ELANE: variants seen among roughly 807,000 people sequenced by gnomAD.
ELANE encodes the protein elastase, neutrophil expressed, also known as neutrophil elastase.
Under a neutral mutation model 20.6 loss-of-function variants are expected in ELANE, and 12 were observed. That is an observed-to-expected ratio of 0.58 (90% CI 0.37 to 0.94). The LOEUF (loss-of-function observed/expected upper bound fraction) is 0.94, where lower values mean the gene tolerates loss of function less well. Ranked by LOEUF, ELANE falls within the 40% of genes least tolerant of loss-of-function variation. The probability of loss-of-function intolerance (pLI) is 0.01; values close to 1 mark genes in which losing one functional copy is unlikely to be tolerated. For missense variants in ELANE, 388 were observed against 395.2 expected (o/e 0.98, Z 0.15); for synonymous variants, 203 against 177.4 (o/e 1.14, Z -1.15).
chr19:852,900 T>TG lies in ELANE; in HGVS notation c.98dup (p.Arg34ProfsTer55). On this transcript the variant is annotated frameshift_variant, in exon 2 of 5. Transcript: ENST00000263621. LOFTEE classifies it high-confidence loss of function. The stretch of plus-strand genomic sequence containing the variant: ...GGCACCGCGCTGGCCTCGGAGATTG[T>TG]GGGGGGCCGGCGAGCGCGGCCCCAC... The TG allele has an allele frequency of 6.3e-7, 1 of 1,596,592 alleles. No individual in the cohort carries two copies. Among genetic ancestry groups the TG allele is most frequent in the Non-Finnish European group, 8.5e-7 (1 of 1,177,342 alleles).
intron 1 of ELANE, among the ~76,000 whole-genome samples, chr19:852,623 G>A (rs1428288954): frequency 6.6e-6 from 1 of 151,810 alleles, no homozygotes; most frequent in South Asian, 2.1e-4. Context: ...TCGCCCTCTG[G>A]GTTCAAGTCC....
At position 855,144 on chromosome 19, in the gene ELANE, C is replaced by T. The variant is rs1335734285; in HGVS notation, c.367-420C>T. On this transcript the variant is annotated intron_variant, in intron 3 of 4. Transcript: ENST00000263621. The surrounding 1 kb of genome is among the most constrained non-coding windows in gnomAD (Gnocchi z 6.2). ...CTGGGATTATAGGCGTGAGCCACCGCACCTGGCAATTTTTTTTTATTATTT... is the reference window on the plus strand; with the variant it reads ...CTGGGATTATAGGCGTGAGCCACCGTACCTGGCAATTTTTTTTTATTATTT... 1.3e-5 allele frequency among the ~76,000 whole-genome samples: 2 copies of T among 152,078 alleles called. No homozygotes were observed. The highest frequency in any genetic ancestry group is 2.9e-5 in the Non-Finnish European group (2 of 68,022).
rs535975489 is a variant in ELANE, at chr19:852,758, C to T, written c.68-118C>T. Reference sequence around the variant, plus strand: ...TCCCGTGGGTTCCCGGTGGGGGATCCCGTGGGTTCCCGGTGGGGGATCCCG... The same window carrying T: ...TCCCGTGGGTTCCCGGTGGGGGATCTCGTGGGTTCCCGGTGGGGGATCCCG... On this transcript the variant is annotated intron_variant, in intron 1 of 4. Coordinates refer to ENST00000263621, the MANE Select transcript of ELANE (RefSeq NM_001972.4). 7.7e-6 allele frequency: 11 copies of T among 1,420,860 alleles called. No homozygotes were observed. In the African/African-American group the frequency reaches 1.3e-4, roughly 17 times the overall value. 88.0% of individuals were successfully genotyped at this position (1,420,860 alleles called of 1,614,324 possible).
At chr19:852,842 A>G (rs2035614825) in intron 1 of ELANE, 34 bp from the exon 2 acceptor site, 2 of 1,587,734 alleles carry the variant, frequency 1.3e-6, no homozygotes, top group Non-Finnish European at 1.7e-6. Flanking sequence ...GCTCCTTGGC[A>G]GGCACTCAGC....
At chr19:854,761 C>A (rs1461810762) in intron 3 of ELANE, among the ~76,000 whole-genome samples, 2 of 141,702 alleles carry the variant, frequency 1.4e-5, no homozygotes, top group African/African-American at 2.6e-5. Context: ...TTATAAATAT[C>A]ATTTATAATT....
Position 855,647 on chromosome 19 carries a change from G to A in ELANE, c.450G>A (p.Gln150=), listed in dbSNP as rs761830204. ...AQGRRLGNGV[Q]CLAMGWGLLG... ...GACGCCGCCTGGGCAACGGGGTGCAGTGCCTGGCCATGGGCTGGGGCCTTC... is the reference window on the plus strand; with the variant it reads ...GACGCCGCCTGGGCAACGGGGTGCAATGCCTGGCCATGGGCTGGGGCCTTC... Residue 150 remains glutamine (Q), a synonymous_variant, in exon 4 of 5, where the codon CAG becomes CAA. Transcript: ENST00000263621. The surrounding 1 kb of genome is among the most constrained non-coding windows in gnomAD (Gnocchi z 6.2). 29 of 1,606,728 alleles carry A rather than the reference G, an allele frequency of 1.8e-5. No homozygotes were observed. In the Admixed American group the frequency reaches 4.3e-4, roughly 24 times the overall value.
rs1555710104 is a variant in ELANE, at chr19:856,025, G to T, written c.665G>T (p.Gly222Val). ...IHGIASFVRG[G>V]CASGLYPDAF... ...GGAATTGCCTCCTTCGTCCGGGGAG[G>T]CTGCGCCTCAGGGCTCTACCCCGAT... Residue 222 changes from glycine (G) to valine (V), a missense_variant, in exon 5 of 5, where the codon GGC becomes GTC. By Grantham distance (109) the Gly-to-Val change is moderately radical. Coordinates refer to ENST00000263621, the MANE Select transcript of ELANE (RefSeq NM_001972.4). 4 of 1,613,420 alleles carry T rather than the reference G, an allele frequency of 2.5e-6. No homozygotes were observed.
In ELANE at chr19:855,923, G is replaced by A. The variant is rs202056242; in HGVS notation, c.598-35G>A. 196 of 1,611,606 alleles carry A rather than the reference G, an allele frequency of 1.2e-4. 2 individuals are homozygous for A. In the South Asian group the frequency reaches 1.8e-3, roughly 15 times the overall value. On this transcript the variant is annotated intron_variant, in intron 4 of 4. Coordinates refer to ENST00000263621, the MANE Select transcript of ELANE (RefSeq NM_001972.4). This position sits in a 1 kb window ranked among gnomAD's most constrained non-coding sequence, Gnocchi z 6.2. Reference sequence around the variant, plus strand: ...GCGGCGGGCAGGTGGGCAGGGCCTCGCAGTCCAGCTTCCCCACCTTGTCTG... The same window carrying A: ...GCGGCGGGCAGGTGGGCAGGGCCTCACAGTCCAGCTTCCCCACCTTGTCTG...
Position 852,359 on chromosome 19 carries a change from T to C in ELANE, c.31T>C (p.Phe11Leu). 1 of 1,611,446 alleles carries C rather than the reference T, an allele frequency of 6.2e-7. No individual in the cohort carries two copies. MTLGRRLACL[F>L]LACVLPALLL... The stretch of plus-strand genomic sequence containing the variant: ...CCTCGGCCGCCGACTCGCGTGTCTT[T>C]TCCTCGCCTGTGTCCTGCCGGCCTT... Residue 11 changes from phenylalanine to leucine, a missense_variant, in exon 1 of 5, where the codon TTC becomes CTC. Physicochemically the swap from Phe to Leu is conservative, Grantham distance 22. This residue lies in a region of ELANE where 58 missense variants were observed against 56.7 expected (regional missense o/e 1.02). Transcript: ENST00000263621.
chr19:855,535 G>T lies in ELANE; in HGVS notation c.367-29G>T. 1 of 1,595,056 alleles carries T rather than the reference G, an allele frequency of 6.3e-7. No homozygotes were observed. Among genetic ancestry groups the T allele is most frequent in the Non-Finnish European group, 8.5e-7 (1 of 1,177,666 alleles). On this transcript the variant is annotated intron_variant, in intron 3 of 4. Coordinates refer to ENST00000263621, the MANE Select transcript of ELANE (RefSeq NM_001972.4). The surrounding 1 kb of genome is among the most constrained non-coding windows in gnomAD (Gnocchi z 6.2). ...GGTCATCATCACTGCCCCGTGTGAC[G>T]CGCTGACGATCTGTCCCCACCGCCA...
At chr19:853,158 G>T in intron 2 of ELANE, 104 bp from the exon 3 acceptor site, 2 of 1,471,528 alleles carry the variant, frequency 1.4e-6, no homozygotes, top group South Asian at 1.3e-5. Context: ...GGGGCCCCTC[G>T]AGCACCTTCG....
intron 2 of ELANE, 83 bp from the exon 3 acceptor site, chr19:853,179 C>G (rs1033255773): frequency 1.5e-5 from 23 of 1,498,368 alleles, no homozygotes; most frequent in African/African-American, 2.9e-5. Context: ...CCCTCAGGCC[C>G]GTCGCCGGAT....
At chr19:852,826 G>A in intron 1 of ELANE, 50 bp from the exon 2 acceptor site, 2 of 1,577,540 alleles carry the variant, frequency 1.3e-6, no homozygotes, top group Non-Finnish European at 1.7e-6. Flanking sequence ...GGCCGGGAGG[G>A]GACAGGCTCC....
At position 855,036 on chromosome 19, in the gene ELANE, G is replaced by A. The variant is rs940339835; in HGVS notation, c.367-528G>A. Among the ~76,000 whole-genome samples, 27 of 151,994 alleles carry A rather than the reference G, an allele frequency of 1.8e-4. No homozygotes were observed. Among genetic ancestry groups the A allele is most frequent in the African/African-American group, 5.1e-4 (21 of 41,460 alleles). On this transcript the variant is annotated intron_variant, in intron 3 of 4. Transcript: ENST00000263621. This position sits in a 1 kb window ranked among gnomAD's most constrained non-coding sequence, Gnocchi z 6.2. Reference sequence around the variant, plus strand: ...GCCTGGCTAATTTTTGGTATTGTTAGTAGAGACGGGGTTTAACCATGTTAG... The same window carrying A: ...GCCTGGCTAATTTTTGGTATTGTTAATAGAGACGGGGTTTAACCATGTTAG...
chr19:855,814 C>A lies in ELANE; in HGVS notation c.597+20C>A. 1 of 1,607,548 alleles carries A rather than the reference C, an allele frequency of 6.2e-7. No individual in the cohort carries two copies. The highest frequency in any genetic ancestry group is 2.2e-5 in the East Asian group (1 of 44,874). On this transcript the variant is annotated intron_variant, in intron 4 of 4. Coordinates refer to ENST00000263621, the MANE Select transcript of ELANE (RefSeq NM_001972.4). The surrounding 1 kb of genome is among the most constrained non-coding windows in gnomAD (Gnocchi z 6.2). Reference sequence around the variant, plus strand: ...TGTTTCGTACGTGCCCTGGGTGTCCCTCTGCTCCCCACCCGCTCCCAGCCC... The same window carrying A: ...TGTTTCGTACGTGCCCTGGGTGTCCATCTGCTCCCCACCCGCTCCCAGCCC...
chr19:852,749 T>G, intron 1 of ELANE, 127 bp from the exon 2 acceptor site: 1 of 1,306,008 alleles, frequency 7.7e-7, no homozygotes, highest in Non-Finnish European at 1.0e-6. Flanking sequence ...GGGTTCCCGG[T>G]GGGGGATCCC....
In ELANE at chr19:855,890, C is replaced by T; in HGVS notation, c.598-68C>T. On this transcript the variant is annotated intron_variant, in intron 4 of 4. Transcript: ENST00000263621. This position sits in a 1 kb window ranked among gnomAD's most constrained non-coding sequence, Gnocchi z 6.2. Reference sequence around the variant, plus strand: ...TAGACCCTAGGAGGGACTTCCCAACCCTGACAGGCGGCGGGCAGGTGGGCA... The same window carrying T: ...TAGACCCTAGGAGGGACTTCCCAACTCTGACAGGCGGCGGGCAGGTGGGCA... 1 of 1,607,902 alleles carries T rather than the reference C, an allele frequency of 6.2e-7. No homozygotes were observed. The highest frequency in any genetic ancestry group is 1.7e-5 in the Admixed American group (1 of 59,824).
chr19:855,794 C>T lies in ELANE; in HGVS notation c.597C>T (p.Phe199=), dbSNP rs531021237. 10 of 1,608,396 alleles carry T rather than the reference C, an allele frequency of 6.2e-6. No homozygotes were observed. The East Asian group carries it at 1.1e-4, about 18-fold the overall frequency. The change falls in exon 4 of 5, where the codon TTC becomes TTT. Residue 199 remains phenylalanine, a splice_region_variant and synonymous_variant. Transcript: ENST00000263621. The surrounding 1 kb of genome is among the most constrained non-coding windows in gnomAD (Gnocchi z 6.2). The part of the protein sequence containing the change: ...LVRGRQAGVC[F]GDSGSPLVCN... ...GGGGCCGGCAGGCCGGCGTCTGTTTCGTACGTGCCCTGGGTGTCCCTCTGC... is the reference window on the plus strand; with the variant it reads ...GGGGCCGGCAGGCCGGCGTCTGTTTTGTACGTGCCCTGGGTGTCCCTCTGC...
intron 1 of ELANE, 23 bp downstream of exon 1, chr19:852,418 C>T: frequency 6.2e-7 from 1 of 1,605,628 alleles, no homozygotes; most frequent in African/African-American, 1.3e-5. Flanking sequence ...GTCCAACCTC[C>T]CGCTGCTCCC....
Sources: allele counts gnomAD v4.1 joint callset (sites outside exome capture counted in the v4.1 genomes callset), GRCh38; gene constraint gnomAD v4.1.1; regional missense constraint gnomAD v4.1.1; non-coding constraint Gnocchi (gnomAD v3.1); transcripts MANE v1.5; gene names NCBI Gene and HGNC (gene_info 2026-07-23, HGNC 2026-07-21).